ADAM12: variants seen among roughly 807,000 people sequenced by gnomAD.
The protein encoded by ADAM12 is disintegrin and metalloproteinase domain-containing protein 12.
A neutral mutation model predicts 106.4 loss-of-function variants in ADAM12; 70 were observed. That is an observed-to-expected ratio of 0.66 (90% CI 0.54 to 0.80). The LOEUF is 0.80. ADAM12 is among the 30% of genes least tolerant of loss of function. ADAM12 has a pLI of 0.00. For synonymous variants in ADAM12, 420 were observed against 433.5 expected (o/e 0.97, Z 0.39); for missense variants, 1,010 against 1,171.9 (o/e 0.86, Z 2.02).
chr10:126,238,357 G>A (rs796809024), intron 3 of ADAM12, among the ~76,000 whole-genome samples: 15 of 152,280 alleles, frequency 9.9e-5, no homozygotes, highest in African/African-American at 3.4e-4. Context: ...ATGCACACCT[G>A]TTATCCTAGC....
intron 11 of ADAM12, 116 bp from the exon 12 acceptor site, chr10:126,071,770 G>A: frequency 1.8e-6 from 2 of 1,123,206 alleles, no homozygotes; most frequent in Non-Finnish European, 1.3e-6. Context: ...TTCACTGGTG[G>A]TCTCAATGAA....
At chr10:126,109,667 G>A in intron 7 of ADAM12, 108 bp downstream of exon 7, 1 of 889,520 alleles carries the variant, frequency 1.1e-6, no homozygotes, top group Non-Finnish European at 1.7e-6. Context: ...TTGCTTTTAA[G>A]AGCACATAGG....
In ADAM12 at chr10:126,388,050, C is replaced by A; in HGVS notation, c.88+8G>T. ...CGGGCAGCGAGCCGCCCTAGTTCGGCGACTTACCTCGGGCCTCGCAGGGCG... is the reference window on the plus strand; with the variant it reads ...CGGGCAGCGAGCCGCCCTAGTTCGGAGACTTACCTCGGGCCTCGCAGGGCG... On this transcript the variant is annotated splice_region_variant and intron_variant, in intron 1 of 22. Transcript: ENST00000448723. This position sits in a 1 kb window ranked among gnomAD's most constrained non-coding sequence, Gnocchi z 4.4. 8.2e-7 allele frequency: 1 copy of A among 1,216,854 alleles called. No homozygotes were observed. The highest frequency in any genetic ancestry group is 1.0e-6 in the Non-Finnish European group (1 of 977,514). The allele number at this position is 1,216,854 out of a possible 1,614,324, so 75.4% of individuals were successfully genotyped here.
rs1167064707 is a variant in ADAM12, at chr10:126,111,813, C to G, written c.604-1973G>C. On this transcript the variant is annotated intron_variant, in intron 6 of 22. Transcript: ENST00000448723. Reference sequence around the variant, plus strand: ...AGAGAAGCACTGGGGGAGTCGCCGGCTCAGGGCGGAGGTTTATTCTCCTGT... The same window carrying G: ...AGAGAAGCACTGGGGGAGTCGCCGGGTCAGGGCGGAGGTTTATTCTCCTGT... Among the ~76,000 whole-genome samples, 11 of 152,286 alleles carry G rather than the reference C, an allele frequency of 7.2e-5. No homozygotes were observed. The South Asian group carries it at 2.3e-3, about 32-fold the overall frequency.
intron 1 of ADAM12, among the ~76,000 whole-genome samples, chr10:126,352,044 A>G (rs1855380308): frequency 6.6e-6 from 1 of 152,064 alleles, no homozygotes. Flanking sequence ...GCACCCCTCA[A>G]AGGGCCAGAC....
At chr10:126,234,497 T>C (rs1284922536) in intron 3 of ADAM12, among the ~76,000 whole-genome samples, 1 of 152,184 alleles carries the variant, frequency 6.6e-6, no homozygotes, top group Non-Finnish European at 1.5e-5. Flanking sequence ...AGTTACAACG[T>C]TTCTAGTTCA....
intron 3 of ADAM12, among the ~76,000 whole-genome samples, chr10:126,174,264 GAT>G (rs759661119): frequency 6.6e-6 from 1 of 151,522 alleles, no homozygotes; most frequent in African/African-American, 2.4e-5. Flanking sequence ...GAGGATAAGT[GAT>G]ATACACCATG....
intron 3 of ADAM12, among the ~76,000 whole-genome samples, chr10:126,270,440 T>C (rs1254926242): frequency 6.6e-6 from 1 of 152,258 alleles, no homozygotes; most frequent in African/African-American, 2.4e-5. Context: ...TCTATGATGA[T>C]GGAAATGTCC....
intron 8 of ADAM12, among the ~76,000 whole-genome samples, chr10:126,104,920 C>G (rs573102800): frequency 1.3e-5 from 2 of 152,146 alleles, no homozygotes; most frequent in Non-Finnish European, 2.9e-5. Flanking sequence ...GAGACACTTT[C>G]ATTTGTAGAG....
At chr10:126,121,130 A>AGTATATATAGTATATATAATAT (rs369707256) in intron 5 of ADAM12, among the ~76,000 whole-genome samples, 1 of 75,608 alleles carries the variant, frequency 1.3e-5, no homozygotes, top group Non-Finnish European at 2.2e-5. Flanking sequence ...TAGTATATAT[A>AGTATATATAGTATATATAATAT]CTATATACTA....
intron 1 of ADAM12, 93 bp downstream of exon 1, chr10:126,387,965 C>T: frequency 8.5e-7 from 1 of 1,171,656 alleles, no homozygotes; most frequent in Non-Finnish European, 1.1e-6. Flanking sequence ...GCGCGTCGCC[C>T]CTCGGGGCAG....
intron 3 of ADAM12, among the ~76,000 whole-genome samples, chr10:126,194,389 AG>A (rs1957560752): frequency 6.6e-6 from 1 of 152,154 alleles, no homozygotes; most frequent in Non-Finnish European, 1.5e-5. Context: ...AAGGAATCAA[AG>A]GGAAGTGTAC....
intron 1 of ADAM12, among the ~76,000 whole-genome samples, chr10:126,337,632 T>C (rs1169687531): frequency 6.6e-6 from 1 of 152,174 alleles, no homozygotes; most frequent in Non-Finnish European, 1.5e-5. Context: ...GCCAATCTCC[T>C]CTGGCAACAC....
At chr10:126,135,090 A>G (rs1384954217) in intron 5 of ADAM12, among the ~76,000 whole-genome samples, 1 of 152,224 alleles carries the variant, frequency 6.6e-6, no homozygotes, top group African/African-American at 2.4e-5. Context: ...TCATGCCCGT[A>G]GCATAGTAGC....
chr10:126,095,574 G>A (rs73376600), intron 10 of ADAM12, among the ~76,000 whole-genome samples: 2,576 of 150,724 alleles, frequency 0.017, 90 homozygotes, highest in African/African-American at 0.059. Flanking sequence ...TTGGGTCATG[G>A]GGACTCTGCC....
At chr10:126,087,913 G>C (rs970052775) in intron 11 of ADAM12, among the ~76,000 whole-genome samples, 1 of 152,122 alleles carries the variant, frequency 6.6e-6, no homozygotes, top group Admixed American at 6.5e-5. Context: ...CACAGTATGA[G>C]GTAGGAATTT....
chr10:126,228,795 A>C (rs185535953), intron 3 of ADAM12, among the ~76,000 whole-genome samples: 14 of 152,318 alleles, frequency 9.2e-5, no homozygotes, highest in Non-Finnish European at 1.5e-4. Context: ...ATGTAGCTGA[A>C]GCTTCTGATA....
rs1957489856 is a variant in ADAM12, at chr10:126,190,989, CCTTTTTTTTTTTTTTTT to C, written c.261-35701_261-35685del. ...TTTGAGTTGCCATGAGGAGTTTTGT[CCTTTTTTTTTTTTTTTT>C]TTTTTTTTTTTTTCAGACAGAGTCT... On this transcript the variant is annotated intron_variant, in intron 3 of 22. Coordinates refer to ENST00000448723, the MANE Select transcript of ADAM12 (RefSeq NM_001288973.2). 8.7e-5 allele frequency among the ~76,000 whole-genome samples: 6 copies of C among 68,728 alleles called. 1 individual carries two copies. The highest frequency in any genetic ancestry group is 5.6e-4 in the East Asian group (2 of 3,598). 45.1% of individuals were successfully genotyped at this position (68,728 alleles called of 152,430 possible). A position where few individuals can be genotyped will look rare whatever the true frequency, so the allele number is the denominator to read the frequency against.
In ADAM12 at chr10:126,306,570, G is replaced by A. The variant is rs377658288; in HGVS notation, c.186+23842C>T. ...CTTACAGTTTGATTCTGTTAGAGAC[G>A]AATTTTATCACCTGCTTTTGGTTTT... On this transcript the variant is annotated intron_variant, in intron 2 of 22. Transcript: ENST00000448723. Among the ~76,000 whole-genome samples the A allele has an allele frequency of 1.7e-4, 26 of 152,200 alleles. 1 individual carries two copies. The South Asian group carries it at 4.8e-3, about 28-fold the overall frequency.
Sources: allele counts gnomAD v4.1 joint callset (sites outside exome capture counted in the v4.1 genomes callset), GRCh38; gene constraint gnomAD v4.1.1; non-coding constraint Gnocchi (gnomAD v3.1); transcripts MANE v1.5; gene names NCBI Gene and HGNC (gene_info 2026-07-23, HGNC 2026-07-21).